The following MOCOS variants were observed in gnomAD, a reference collection of about 807,000 sequenced individuals.
MOCOS encodes the protein molybdenum cofactor sulfurase.
Under a neutral mutation model 83.6 loss-of-function variants are expected in MOCOS, and 86 were observed. The ratio of observed to expected loss-of-function variants is 1.03; its 90% CI spans 0.86 to 1.23. MOCOS has a LOEUF of 1.23. Ranked by LOEUF, MOCOS falls within the 50% of genes most tolerant of loss-of-function variation. The pLI is 0.00. For synonymous variants in MOCOS, 445 were observed against 434.7 expected, an observed-to-expected ratio of 1.02 and a Z score of -0.29; for missense variants, 1,120 against 1,126.9, an observed-to-expected ratio of 0.99 and a Z score of 0.09.
intron 4 of MOCOS, among the ~76,000 whole-genome samples, chr18:36,200,631 T>A (rs1302217693): frequency 1.3e-5 from 2 of 152,144 alleles, no homozygotes; most frequent in Non-Finnish European, 2.9e-5. Context: ...GAGGGTGAGC[T>A]ACCAGGCCTC....
At chr18:36,252,529 G>C (rs2091625810) in intron 11 of MOCOS, among the ~76,000 whole-genome samples, 1 of 152,076 alleles carries the variant, frequency 6.6e-6, no homozygotes, top group South Asian at 2.1e-4. Context: ...CTGTAGTCCA[G>C]CCTGGGTGAC....
At chr18:36,236,985 A>G (rs1221839007) in intron 9 of MOCOS, among the ~76,000 whole-genome samples, 4 of 151,990 alleles carry the variant, frequency 2.6e-5, no homozygotes, top group African/African-American at 4.8e-5. Context: ...TTGATTTTGT[A>G]TCCTGAGACT....
intron 6 of MOCOS, among the ~76,000 whole-genome samples, chr18:36,211,297 C>T (rs182427794): frequency 3.9e-5 from 6 of 152,244 alleles, no homozygotes; most frequent in African/African-American, 1.4e-4. Flanking sequence ...ATTTTATTCT[C>T]CCACTGTTGG....
At chr18:36,245,779 A>G (rs2091600254) in intron 9 of MOCOS, among the ~76,000 whole-genome samples, 1 of 152,174 alleles carries the variant, frequency 6.6e-6, no homozygotes, top group Admixed American at 6.5e-5. Flanking sequence ...ATGTTTGGTC[A>G]TTTAAAATAA....
At chr18:36,253,517 T>C (rs2091629469) in intron 11 of MOCOS, among the ~76,000 whole-genome samples, 1 of 151,922 alleles carries the variant, frequency 6.6e-6, no homozygotes, top group Non-Finnish European at 1.5e-5. Context: ...AATACAAAAA[T>C]TAGCCGGGCA....
At position 36,210,475 on chromosome 18, in the gene MOCOS, GA is replaced by G. The variant is rs529958732; in HGVS notation, c.1219-2887del. ...AAATGCTTTTGGAGGGGACAAGGTGGAAAATGCATCAGAGGCAAAAGGTTTG... is the reference window on the plus strand; with the variant it reads ...AAATGCTTTTGGAGGGGACAAGGTGGAAATGCATCAGAGGCAAAAGGTTTG... On this transcript the variant is annotated intron_variant, in intron 6 of 14. Coordinates refer to ENST00000261326, the MANE Select transcript of MOCOS (RefSeq NM_017947.4). Among the ~76,000 whole-genome samples the G allele has an allele frequency of 2.3e-3, 357 of 152,226 alleles. 2 individuals are homozygous for G. Among genetic ancestry groups the G allele is most frequent in the African/African-American group, 8.4e-3 (347 of 41,534 alleles).
intron 9 of MOCOS, among the ~76,000 whole-genome samples, chr18:36,239,744 C>G (rs1415780968): frequency 6.7e-6 from 1 of 148,880 alleles, no homozygotes. Context: ...CAACTTGGTT[C>G]CATTCTCCCC....
chr18:36,254,616 C>T (rs601353), intron 11 of MOCOS, among the ~76,000 whole-genome samples: 1 of 150,014 alleles, frequency 6.7e-6, no homozygotes, highest in South Asian at 2.1e-4. Flanking sequence ...TACACACACA[C>T]ATATATATAT....
At position 36,213,239 on chromosome 18, in the gene MOCOS, G is replaced by T. The variant is rs2091461844; in HGVS notation, c.1219-127G>T. On this transcript the variant is annotated intron_variant, in intron 6 of 14. Coordinates refer to ENST00000261326, the MANE Select transcript of MOCOS (RefSeq NM_017947.4). Reference sequence around the variant, plus strand: ...GTTTAACCTGTGATAAATCATTTTAGAGGACAATTCCAGGCTTGTATCATC... The same window carrying T: ...GTTTAACCTGTGATAAATCATTTTATAGGACAATTCCAGGCTTGTATCATC... 11 of 775,270 alleles carry T rather than the reference G, an allele frequency of 1.4e-5. No individual in the cohort carries two copies. The South Asian group carries it at 1.5e-4, about 10-fold the overall frequency. The allele number at this position is 775,270 out of a possible 1,614,324, so 48.0% of individuals were successfully genotyped here.
rs188090006 is a variant in MOCOS, at chr18:36,220,487, C to T, written c.1960+270C>T. 1.1e-3 allele frequency among the ~76,000 whole-genome samples: 165 copies of T among 151,942 alleles called. 1 individual carries two copies. Among genetic ancestry groups the T allele is most frequent in the Non-Finnish European group, 7.6e-4 (52 of 67,986 alleles). ...TCATGCCATTGCATTCCGGCCTGGG[C>T]GACAGAGCAAGACCTTGTATCAAGG... On this transcript the variant is annotated intron_variant, in intron 9 of 14. Transcript: ENST00000261326.
chr18:36,255,027 A>G (rs1402383108), intron 11 of MOCOS, among the ~76,000 whole-genome samples: 1 of 152,116 alleles, frequency 6.6e-6, no homozygotes, highest in Non-Finnish European at 1.5e-5. Flanking sequence ...CACCCAGCCC[A>G]TAATTTTTCG....
intron 3 of MOCOS, 40 bp downstream of exon 3, chr18:36,198,796 G>T (rs370970308): frequency 8.1e-6 from 13 of 1,599,840 alleles, no homozygotes; most frequent in East Asian, 6.7e-5. Context: ...GCATACCTAG[G>T]CAGACAGACT....
intron 12 of MOCOS, among the ~76,000 whole-genome samples, chr18:36,259,679 C>T (rs1247346786): frequency 6.6e-6 from 1 of 152,022 alleles, no homozygotes; most frequent in Non-Finnish European, 1.5e-5. Context: ...ATGCCTTATG[C>T]CGCCCCACCT....
rs757585073 is a variant in MOCOS, at chr18:36,215,856, A to G, written c.1676A>G (p.Asp559Gly). Reference sequence around the variant, plus strand: ...GTGCCTGTGGCCCCACCTGTGTGTGATGTCGCCAGAACCCAGCCGACTCCT... The same window carrying G: ...GTGCCTGTGGCCCCACCTGTGTGTGGTGTCGCCAGAACCCAGCCGACTCCT... ...NAVPVAPPVC[D>G]VARTQPTPSE... Residue 559 changes from aspartate to glycine, a missense_variant, in exon 8 of 15, where the codon GAT (aspartate) becomes GGT (glycine). Transcript: ENST00000261326. The G allele has an allele frequency of 1.5e-5, 25 of 1,614,048 alleles. No individual in the cohort carries two copies. Among genetic ancestry groups the G allele is most frequent in the Non-Finnish European group, 2.0e-5 (24 of 1,180,040 alleles).
At chr18:36,225,856 G>A (rs962568051) in intron 9 of MOCOS, among the ~76,000 whole-genome samples, 2 of 149,974 alleles carry the variant, frequency 1.3e-5, no homozygotes, top group Middle Eastern at 3.5e-3. Flanking sequence ...CCATTTTCTT[G>A]CTGCTACTAT....
chr18:36,195,419 G>A (rs2144896270), intron 2 of MOCOS, 73 bp downstream of exon 2: 1 of 1,318,824 alleles, frequency 7.6e-7, no homozygotes, highest in South Asian at 1.2e-5. Context: ...TTAAACGCTG[G>A]ATTAATAGGC....
chr18:36,200,406 G>T, intron 4 of MOCOS, 82 bp downstream of exon 4: 1 of 1,554,694 alleles, frequency 6.4e-7, no homozygotes, highest in Non-Finnish European at 8.8e-7. Flanking sequence ...TATGCAAGAG[G>T]TGGGTCTGGC....
intron 4 of MOCOS, among the ~76,000 whole-genome samples, chr18:36,201,808 G>A (rs1185333125): frequency 6.6e-6 from 1 of 152,118 alleles, no homozygotes; most frequent in Non-Finnish European, 1.5e-5. Context: ...TTCTAAAACA[G>A]GAATGCTCAT....
chr18:36,212,361 A>T (rs1032237138), intron 6 of MOCOS, among the ~76,000 whole-genome samples: 5 of 151,320 alleles, frequency 3.3e-5, no homozygotes, highest in Non-Finnish European at 1.5e-5. Context: ...AGCCACGGGG[A>T]CTCTAATTCA....
Sources: gnomAD v4.1 joint callset for allele counts (sites outside exome capture counted in the v4.1 genomes callset) on GRCh38, gnomAD v4.1.1 for gene constraint, MANE v1.5 for transcripts, NCBI Gene and HGNC (gene_info 2026-07-23, HGNC 2026-07-21) for gene names.